MARVELD3: variants seen among roughly 807,000 people sequenced by gnomAD.
MARVELD3 encodes MARVEL domain containing 3, also known as MARVEL domain-containing protein 3.
A neutral mutation model predicts 33.5 loss-of-function variants in MARVELD3; 28 were observed. That is an observed-to-expected ratio of 0.84 (90% confidence interval 0.62 to 1.15). MARVELD3 has a LOEUF of 1.15. MARVELD3 is among the 50% of genes most tolerant of loss of function. MARVELD3 has a pLI of 0.00. For synonymous variants in MARVELD3, 241 were observed against 230.4 expected (o/e 1.05, Z -0.42); for missense variants, 582 against 547.6 (o/e 1.06, Z -0.63).
rs1331293320 is a variant in MARVELD3 at position 71,634,802 on chromosome 16, A to G, written c.1205A>G (p.Ter402=). The part of the protein sequence containing the change: ...KEKPAEMFEF[*] Reference sequence around the variant, plus strand: ...AAGCCAGCAGAAATGTTTGAATTTTAAGGGTTTCTAAAACGCTCTGACAGA... The same window carrying G: ...AAGCCAGCAGAAATGTTTGAATTTTGAGGGTTTCTAAAACGCTCTGACAGA... Residue 402 remains the stop codon, a stop_retained_variant, in exon 3 of 3, where the codon TAA becomes TGA. Coordinates refer to ENST00000268485, the MANE Select transcript of MARVELD3 (RefSeq NM_052858.6). The G allele has an allele frequency of 6.3e-7, 1 of 1,589,672 alleles. No individual in the cohort carries two copies. The highest frequency in any genetic ancestry group is 1.8e-5 in the Admixed American group (1 of 54,824).
At chr16:71,629,871 T>C (rs2044511577) in intron 2 of MARVELD3, among the ~76,000 whole-genome samples, 1 of 152,172 alleles carries the variant, frequency 6.6e-6, no homozygotes, top group African/African-American at 2.4e-5. Flanking sequence ...GAAAGTCACC[T>C]GGCGTGGGCA....
chr16:71,629,034 C>A, intron 1 of MARVELD3: 1 of 225,322 alleles, frequency 4.4e-6, no homozygotes, highest in Non-Finnish European at 8.5e-6. Context: ...TGAATGCAAA[C>A]TGGTTTTGAA....
chr16:71,634,809 T>C lies in MARVELD3; in HGVS notation c.*6T>C. On this transcript the variant is annotated 3_prime_UTR_variant, in exon 3 of 3. Coordinates refer to ENST00000268485, the MANE Select transcript of MARVELD3 (RefSeq NM_052858.6). ...CAGAAATGTTTGAATTTTAAGGGTT[T>C]CTAAAACGCTCTGACAGATGCAAGT... The C allele has an allele frequency of 6.3e-7, 1 of 1,580,248 alleles. No individual in the cohort carries two copies. Among genetic ancestry groups the C allele is most frequent in the Non-Finnish European group, 8.6e-7 (1 of 1,164,784 alleles).
chr16:71,641,472 C>T (rs2044618725), exon 3 of MARVELD3: 1 of 165,466 alleles, frequency 6.0e-6, no homozygotes, highest in Non-Finnish European at 1.3e-5. Flanking sequence ...CCTGTAATTC[C>T]AGCTACTCTG....
chr16:71,635,260 C>A lies in MARVELD3; in HGVS notation c.*457C>A, dbSNP rs1016285326. 2 of 889,846 alleles carry A rather than the reference C, an allele frequency of 2.2e-6. No homozygotes were observed. Among genetic ancestry groups the A allele is most frequent in the Non-Finnish European group, 2.7e-6 (2 of 745,204 alleles). The allele number at this position is 889,846 out of a possible 1,614,324, so 55.1% of individuals were successfully genotyped here. A position where few individuals can be genotyped will look rare whatever the true frequency, so the allele number is the denominator to read the frequency against. The stretch of plus-strand genomic sequence containing the variant: ...AGGAGAATCGCTTGAATCTGGGAGG[C>A]GGAGATTGCAGTGAGCCGAGATCCC... On this transcript the variant is annotated 3_prime_UTR_variant, in exon 3 of 3. Transcript: ENST00000268485.
downstream of MARVELD3, among the ~76,000 whole-genome samples, chr16:71,640,174 C>T (rs2044606742): frequency 6.6e-6 from 1 of 151,070 alleles, no homozygotes. Context: ...GAGGCTGAGG[C>T]AGGAGAATCG....
chr16:71,626,394 G>A lies in MARVELD3; in HGVS notation c.165G>A (p.Gly55=), dbSNP rs762477416. The change falls in exon 1 of 3, where the codon GGG becomes GGA. Residue 55 remains glycine, a synonymous_variant. Transcript: ENST00000268485. The surrounding 1 kb of genome is among the most constrained non-coding windows in gnomAD (Gnocchi z 5.3). The part of the protein sequence containing the change: ...RSSDGNRRRD[G]DRDPERDQER... ...GCGACGGGAACCGGCGAAGGGACGGGGACCGGGACCCGGAGAGAGACCAGG... is the reference window on the plus strand; with the variant it reads ...GCGACGGGAACCGGCGAAGGGACGGAGACCGGGACCCGGAGAGAGACCAGG... The A allele has an allele frequency of 6.5e-7, 1 of 1,546,412 alleles. No homozygotes were observed. Among genetic ancestry groups the A allele is most frequent in the South Asian group, 1.2e-5 (1 of 83,870 alleles).
chr16:71,630,736 C>T (rs1404525700), intron 2 of MARVELD3, among the ~76,000 whole-genome samples: 1 of 152,016 alleles, frequency 6.6e-6, no homozygotes, highest in Non-Finnish European at 1.5e-5. Flanking sequence ...CGAGTTCACA[C>T]ACACACAGAA....
downstream of MARVELD3, chr16:71,641,207 C>T: frequency 1.4e-6 from 1 of 730,648 alleles, no homozygotes; most frequent in Non-Finnish European, 2.2e-6. Context: ...AATCCCAGCA[C>T]TTTGGGAGGC....
chr16:71,638,238 C>G (rs1567606742), downstream of MARVELD3: 1 of 152,228 alleles, frequency 6.6e-6, no homozygotes, highest in Non-Finnish European at 1.5e-5. Flanking sequence ...TGTTGGCTTC[C>G]TCTGCCTCGT....
In MARVELD3 at chr16:71,635,487, A is replaced by C; in HGVS notation, c.*684A>C. 1.0e-6 allele frequency: 1 copy of C among 985,256 alleles called. No homozygotes were observed. The highest frequency in any genetic ancestry group is 1.2e-6 in the Non-Finnish European group (1 of 829,944). 61.0% of individuals were successfully genotyped at this position (985,256 alleles called of 1,614,324 possible). A position where few individuals can be genotyped will look rare whatever the true frequency, so the allele number is the denominator to read the frequency against. ...CTGGGCACAGTGGCTCACACCTGTA[A>C]TCCCAGAGCTTTGGGAGGCTGAGGT... On this transcript the variant is annotated 3_prime_UTR_variant, in exon 3 of 3. Transcript: ENST00000268485.
chr16:71,632,615 A>T lies in MARVELD3; in HGVS notation c.596-1578A>T, dbSNP rs974976291. On this transcript the variant is annotated intron_variant, in intron 2 of 2. Coordinates refer to ENST00000268485, the MANE Select transcript of MARVELD3 (RefSeq NM_052858.6). ...TTTTTTTTTTATTTTTTATTTATTT[A>T]TTTATCTTTTTTTTGAGGCAGAGCC... Among the ~76,000 whole-genome samples, 424 of 147,034 alleles carry T rather than the reference A, an allele frequency of 2.9e-3. 9 individuals carry two copies. Among genetic ancestry groups the T allele is most frequent in the African/African-American group, 0.01 (412 of 39,874 alleles).
rs1279970523 is a variant in MARVELD3 at position 71,635,524 on chromosome 16, T to G, written c.*721T>G. 2.0e-6 allele frequency: 2 copies of G among 984,596 alleles called. No individual in the cohort carries two copies. The highest frequency in any genetic ancestry group is 2.4e-6 in the Non-Finnish European group (2 of 829,364). The allele number at this position is 984,596 out of a possible 1,614,324, so 61.0% of individuals were successfully genotyped here. Reference sequence around the variant, plus strand: ...TGGGAGGCTGAGGTAGGAGGATTGCTTGAACCCAGGAGTTCAAGTTTGCAG... The same window carrying G: ...TGGGAGGCTGAGGTAGGAGGATTGCGTGAACCCAGGAGTTCAAGTTTGCAG... On this transcript the variant is annotated 3_prime_UTR_variant, in exon 3 of 3. Transcript: ENST00000268485.
At chr16:71,640,600 G>A, downstream of MARVELD3, 1 of 1,614,216 alleles carries the variant, frequency 6.2e-7, no homozygotes, top group Non-Finnish European at 8.5e-7. Context: ...CTGATATACG[G>A]TGGCGTGGCT....
In MARVELD3 at chr16:71,635,771, G is replaced by A. The variant is rs2044577562; in HGVS notation, c.*968G>A. On this transcript the variant is annotated 3_prime_UTR_variant, in exon 3 of 3. Coordinates refer to ENST00000268485, the MANE Select transcript of MARVELD3 (RefSeq NM_052858.6). ...ACTTCCTTAATTCTGCAAATGGAGG[G>A]GGTGGGGACTCTTGGGAAACTACTC... 1 of 985,268 alleles carries A rather than the reference G, an allele frequency of 1.0e-6. No individual in the cohort carries two copies. The highest frequency in any genetic ancestry group is 1.2e-6 in the Non-Finnish European group (1 of 829,954). The allele number at this position is 985,268 out of a possible 1,614,324, so 61.0% of individuals were successfully genotyped here. A position where few individuals can be genotyped will look rare whatever the true frequency, so the allele number is the denominator to read the frequency against.
chr16:71,640,512 T>A, downstream of MARVELD3: 2 of 1,614,154 alleles, frequency 1.2e-6, no homozygotes, highest in Non-Finnish European at 1.7e-6. Flanking sequence ...TGGGAACAAC[T>A]ACTACTCACC....
intron 2 of MARVELD3, among the ~76,000 whole-genome samples, chr16:71,633,095 G>A (rs1208603250): frequency 1.3e-5 from 2 of 151,302 alleles, no homozygotes; most frequent in Non-Finnish European, 2.9e-5. Flanking sequence ...CAGTGCAGTG[G>A]CTCACGCCTG....
chr16:71,628,483 G>A (rs1363942125), intron 1 of MARVELD3, among the ~76,000 whole-genome samples: 1 of 151,774 alleles, frequency 6.6e-6, no homozygotes, highest in Non-Finnish European at 1.5e-5. Context: ...GTTGCAGTGA[G>A]CTGAGATCTC....
At chr16:71,639,330 C>T (rs533196428), downstream of MARVELD3, 1 of 151,976 alleles carries the variant, frequency 6.6e-6, no homozygotes, top group African/African-American at 2.4e-5. Flanking sequence ...CTCGGCCTCC[C>T]AAAGTGCTGG....
Sources: gnomAD v4.1 joint callset for allele counts (sites outside exome capture counted in the v4.1 genomes callset) on GRCh38, gnomAD v4.1.1 for gene constraint, Gnocchi (gnomAD v3.1) non-coding constraint, MANE v1.5 for transcripts, NCBI Gene and HGNC (gene_info 2026-07-23, HGNC 2026-07-21) for gene names.